The following SLC5A11 variants were observed in gnomAD, a reference collection of about 807,000 sequenced individuals.
SLC5A11 encodes sodium/myo-inositol cotransporter 2.
In SLC5A11, 48 loss-of-function variants were observed where a neutral mutation model predicts 69.8. That is an observed-to-expected ratio of 0.69 (90% confidence interval 0.55 to 0.87). The LOEUF (loss-of-function observed/expected upper bound fraction) is 0.87. Ranked by LOEUF, SLC5A11 falls within the 40% of genes least tolerant of loss-of-function variation. The pLI is 0.00. For missense variants in SLC5A11, 784 were observed against 866.1 expected, an observed-to-expected ratio of 0.91 and a Z score of 1.19; for synonymous variants, 319 against 342.4, an observed-to-expected ratio of 0.93 and a Z score of 0.75.
chr16:24,910,490 TCTC>T lies in SLC5A11; in HGVS notation c.1822+17_1822+19del, dbSNP rs1567713227. ...AAAACCCACAGCTGTGAGTAGCTTC[TCTC>T]CTCAGTTACAGCAAGAAGGAGTACG... On this transcript the variant is annotated intron_variant, in intron 15 of 15. Coordinates refer to ENST00000347898, the Ensembl canonical transcript of SLC5A11. The T allele has an allele frequency of 3.7e-6, 6 of 1,612,630 alleles. No individual in the cohort carries two copies. The highest frequency in any genetic ancestry group is 2.2e-5 in the East Asian group (1 of 44,830).
intron 2 of SLC5A11, among the ~76,000 whole-genome samples, chr16:24,861,349 A>G (rs958922231): frequency 3.9e-5 from 6 of 152,090 alleles, no homozygotes; most frequent in South Asian, 4.1e-4. Context: ...GCATGGTGGC[A>G]TATGCCTGTA....
At chr16:24,890,755 A>T in intron 8 of SLC5A11, 114 bp from the exon 10 acceptor site, 1 of 954,866 alleles carries the variant, frequency 1.0e-6, no homozygotes, top group Non-Finnish European at 1.7e-6. Flanking sequence ...TAAGGGGATT[A>T]ACATTTTTGG....
intron 7 of SLC5A11, among the ~76,000 whole-genome samples, chr16:24,878,843 G>A (rs2152326486): frequency 6.6e-6 from 1 of 152,298 alleles, no homozygotes; most frequent in African/African-American, 2.4e-5. Flanking sequence ...GACCAGCCTA[G>A]CCAACATGGC....
rs1189919665 is a variant in SLC5A11, at chr16:24,891,207, C to T, written c.870+133C>T. The T allele has an allele frequency of 7.9e-6, 6 of 764,028 alleles. No homozygotes were observed. In the African/African-American group the frequency reaches 1.0e-4, roughly 13 times the overall value. The allele number at this position is 764,028 out of a possible 1,614,324, so 47.3% of individuals were successfully genotyped here. A position where few individuals can be genotyped will look rare whatever the true frequency, so the allele number is the denominator to read the frequency against. The stretch of plus-strand genomic sequence containing the variant: ...TCCCTGCTTCCTTGACTACTTCCTC[C>T]TTTCCATTGCTCTACATGCTATTTT... On this transcript the variant is annotated intron_variant, in intron 9 of 15. Transcript: ENST00000347898.
chr16:24,856,258 C>T (rs939755353), intron 1 of SLC5A11, among the ~76,000 whole-genome samples: 2 of 151,086 alleles, frequency 1.3e-5, no homozygotes, highest in South Asian at 2.1e-4. Context: ...TTCATGTGGG[C>T]GAAAATCCCA....
intron 1 of SLC5A11, among the ~76,000 whole-genome samples, chr16:24,855,827 G>C (rs2059504927): frequency 6.6e-6 from 1 of 152,120 alleles, no homozygotes; most frequent in Admixed American, 6.6e-5. Flanking sequence ...GCTCGATCTT[G>C]GACTTTCTCC....
intron 5 of SLC5A11, among the ~76,000 whole-genome samples, chr16:24,873,608 A>G (rs2047476720): frequency 1.3e-5 from 2 of 151,736 alleles, no homozygotes; most frequent in Non-Finnish European, 2.9e-5. Flanking sequence ...GGCTGCAGTG[A>G]GCTATGATTG....
intron 5 of SLC5A11, among the ~76,000 whole-genome samples, chr16:24,874,733 C>T (rs1326832555): frequency 6.6e-6 from 1 of 152,046 alleles, no homozygotes; most frequent in Non-Finnish European, 1.5e-5. Flanking sequence ...GGACTACAGC[C>T]ACCATGCCCA....
intron 9 of SLC5A11, among the ~76,000 whole-genome samples, chr16:24,896,154 G>A (rs888914497): frequency 1.3e-5 from 2 of 151,734 alleles, no homozygotes; most frequent in East Asian, 3.9e-4. Context: ...AGGAGTTGGA[G>A]ACCAGCCTGG....
chr16:24,873,586 C>T lies in SLC5A11; in HGVS notation c.372+1367C>T, dbSNP rs183380052. On this transcript the variant is annotated intron_variant, in intron 5 of 15. Transcript: ENST00000347898. ...GAGGAGGAGGATTGATTGCTTGAACCCAGGAGATCAGGGCTGCAGTGAGCT... is the reference window on the plus strand; with the variant it reads ...GAGGAGGAGGATTGATTGCTTGAACTCAGGAGATCAGGGCTGCAGTGAGCT... 1.5e-3 allele frequency among the ~76,000 whole-genome samples: 223 copies of T among 151,784 alleles called. 2 individuals carry two copies. In the East Asian group the frequency reaches 0.035, roughly 24 times the overall value.
intron 10 of SLC5A11, among the ~76,000 whole-genome samples, chr16:24,906,426 A>T (rs959066879): frequency 5.9e-5 from 9 of 151,930 alleles, no homozygotes; most frequent in Non-Finnish European, 1.2e-4. Context: ...CAATAGCTGA[A>T]TTTTTTCCAG....
At chr16:24,859,721 C>T (rs990553619) in intron 2 of SLC5A11, among the ~76,000 whole-genome samples, 2 of 152,144 alleles carry the variant, frequency 1.3e-5, no homozygotes, top group Admixed American at 6.5e-5. Flanking sequence ...CACATTAGCA[C>T]GTAGACATTC....
chr16:24,849,593 A>AAAAAAAAAAAAAAAATATATATATATAT, intron 1 of SLC5A11, among the ~76,000 whole-genome samples: 2 of 35,908 alleles, frequency 5.6e-5, no homozygotes, highest in Non-Finnish European at 1.1e-4. Flanking sequence ...AAAAAAAAAA[A>AAAAAAAAAAAAAAAATATATATATATAT]ATATATATAT....
chr16:24,860,286 C>CA (rs886567044), intron 2 of SLC5A11, among the ~76,000 whole-genome samples: 1 of 151,852 alleles, frequency 6.6e-6, no homozygotes, highest in Non-Finnish European at 1.5e-5. Context: ...GATTCCATCT[C>CA]AAAAAATATA....
At chr16:24,876,991 G>A (rs2047716888) in intron 6 of SLC5A11, 3 of 991,142 alleles carry the variant, frequency 3.0e-6, no homozygotes, top group Non-Finnish European at 4.0e-6. Flanking sequence ...TTTAATGAAG[G>A]TTGCAGTGTG....
At chr16:24,899,641 A>C (rs2049436430) in intron 10 of SLC5A11, among the ~76,000 whole-genome samples, 1 of 151,652 alleles carries the variant, frequency 6.6e-6, no homozygotes, top group African/African-American at 2.4e-5. Flanking sequence ...TGACCTTGTG[A>C]TCCTCCCACC....
rs1443035551 is a variant in SLC5A11, at chr16:24,905,640, G to GCGCA, written c.1007-1016_1007-1015insGCAC. 3.1e-3 allele frequency among the ~76,000 whole-genome samples: 419 copies of GCGCA among 136,740 alleles called. 3 individuals are homozygous for GCGCA. Among genetic ancestry groups the GCGCA allele is most frequent in the African/African-American group, 8.2e-3 (291 of 35,482 alleles). The allele number at this position is 136,740 out of a possible 152,430, so 89.7% of individuals were successfully genotyped here. ...CCATCTCAAAAACACGCGCGCGCGC[G>GCGCA]CACACACACACACACACACACACAC... On this transcript the variant is annotated intron_variant, in intron 10 of 15. Coordinates refer to ENST00000347898, the Ensembl canonical transcript of SLC5A11.
chr16:24,905,044 G>GT (rs918592260), intron 10 of SLC5A11, among the ~76,000 whole-genome samples: 3 of 151,672 alleles, frequency 2.0e-5, no homozygotes, highest in Non-Finnish European at 4.4e-5. Context: ...GTGGTGTTTG[G>GT]TTTTCTGTTC....
At chr16:24,856,597 CAAAAAAAAAAAAAAAA>C (rs35867622) in intron 1 of SLC5A11, among the ~76,000 whole-genome samples, 1 of 88,830 alleles carries the variant, frequency 1.1e-5, no homozygotes, top group South Asian at 5.0e-4. Context: ...ACTAAAAATA[CAAAAAAAAAAAAAAAA>C]AAAAAAAATT....
Sources: gnomAD v4.1 joint callset for allele counts (sites outside exome capture counted in the v4.1 genomes callset) on GRCh38, gnomAD v4.1.1 for gene constraint, MANE v1.5 for transcripts, NCBI Gene and HGNC (gene_info 2026-07-23, HGNC 2026-07-21) for gene names.